The following DEUP1 variants were observed in gnomAD, a reference collection of about 807,000 sequenced individuals.
DEUP1 encodes coiled-coil domain containing 67.
DEUP1 carries 82 observed loss-of-function variants against 87.4 expected under a neutral mutation model. That is an observed-to-expected ratio of 0.94 (90% confidence interval 0.78 to 1.13). The LOEUF (loss-of-function observed/expected upper bound fraction) is 1.13, where lower values mean the gene tolerates loss of function less well. DEUP1 is among the 50% of genes most tolerant of loss of function. DEUP1 has a pLI of 0.00. For missense variants in DEUP1, 663 were observed against 681.5 expected, an observed-to-expected ratio of 0.97 and a Z score of 0.30; for synonymous variants, 214 against 222.7, an observed-to-expected ratio of 0.96 and a Z score of 0.35.
intron 2 of DEUP1, among the ~76,000 whole-genome samples, chr11:93,344,023 A>G (rs1240514616): frequency 6.6e-6 from 1 of 152,216 alleles, no homozygotes; most frequent in Admixed American, 6.5e-5. Context: ...TGGATGACAA[A>G]AAAGTGCTTG....
rs376502642 is a variant in DEUP1, at chr11:93,355,415, T to C, written c.74T>C (p.Ile25Thr). ...GAGCTTCAGGAATTAATGGAACAAA[T>C]TGACATCATGGTAAGCAACAAGAAA... ...EAELQELMEQ[I>T]DIMVSNKKMD... is the part of the protein sequence containing the mutation. The change falls in exon 3 of 14, where the codon ATT becomes ACT. Residue 25 changes from isoleucine to threonine, a missense_variant. Ile to Thr is a moderately conservative substitution (Grantham distance 89). Transcript: ENST00000298050. The C allele has an allele frequency of 1.9e-6, 3 of 1,613,710 alleles. No individual in the cohort carries two copies. Among genetic ancestry groups the C allele is most frequent in the African/African-American group, 1.3e-5 (1 of 75,024 alleles).
chr11:93,330,975 A>T (rs1164304608), intron 1 of DEUP1, among the ~76,000 whole-genome samples: 1 of 152,250 alleles, frequency 6.6e-6, no homozygotes, highest in Non-Finnish European at 1.5e-5. Flanking sequence ...TTGCAAATCC[A>T]GAGCAGAGCT....
chr11:93,379,867 C>T (rs1157987026), intron 7 of DEUP1, among the ~76,000 whole-genome samples: 1 of 151,982 alleles, frequency 6.6e-6, no homozygotes, highest in African/African-American at 2.4e-5. Context: ...TATTAATGTT[C>T]CTGAATATAA....
At chr11:93,346,641 C>T (rs556961186) in intron 2 of DEUP1, among the ~76,000 whole-genome samples, 38 of 152,222 alleles carry the variant, frequency 2.5e-4, no homozygotes, top group Non-Finnish European at 4.1e-4. Flanking sequence ...AGCAGTATGG[C>T]CATTTTAGTG....
At chr11:93,419,373 T>C (rs1046404990) in intron 13 of DEUP1, among the ~76,000 whole-genome samples, 1 of 152,168 alleles carries the variant, frequency 6.6e-6, no homozygotes. Context: ...CTTTGTATGA[T>C]AGCATCAAGG....
At chr11:93,350,943 G>A (rs1030924694) in intron 2 of DEUP1, among the ~76,000 whole-genome samples, 5 of 150,288 alleles carry the variant, frequency 3.3e-5, no homozygotes, top group East Asian at 1.9e-4. Flanking sequence ...GCAACAGAGC[G>A]AGACTCCATC....
At chr11:93,411,901 T>G (rs1947446047) in intron 12 of DEUP1, among the ~76,000 whole-genome samples, 1 of 152,118 alleles carries the variant, frequency 6.6e-6, no homozygotes, top group South Asian at 2.1e-4. Flanking sequence ...AGTCAGCAGG[T>G]TTGTAATAAC....
At chr11:93,362,292 A>G (rs758304267) in intron 4 of DEUP1, among the ~76,000 whole-genome samples, 1 of 152,032 alleles carries the variant, frequency 6.6e-6, no homozygotes, top group Non-Finnish European at 1.5e-5. Flanking sequence ...CAATGGGGAG[A>G]AAATATTTGT....
chr11:93,384,389 T>G (rs545064152), intron 7 of DEUP1, among the ~76,000 whole-genome samples: 1 of 152,220 alleles, frequency 6.6e-6, no homozygotes, highest in Non-Finnish European at 1.5e-5. Flanking sequence ...CCATCTTCCT[T>G]CCTTCCTGTT....
intron 7 of DEUP1, among the ~76,000 whole-genome samples, chr11:93,377,499 G>A (rs1394155217): frequency 6.6e-6 from 1 of 152,004 alleles, no homozygotes; most frequent in East Asian, 1.9e-4. Flanking sequence ...TTAAGTTTGT[G>A]TGAGTCCTTA....
chr11:93,403,747 T>G (rs969945779), intron 11 of DEUP1, among the ~76,000 whole-genome samples: 5 of 151,732 alleles, frequency 3.3e-5, no homozygotes, highest in African/African-American at 9.7e-5. Context: ...TGAAGAAAAT[T>G]TATTGAAATG....
rs1944407627 is a variant in DEUP1 at position 93,347,381 on chromosome 11, T to C, written c.30-7990T>C. Among the ~76,000 whole-genome samples, 9 of 152,304 alleles carry C rather than the reference T, an allele frequency of 5.9e-5. No individual in the cohort carries two copies. The South Asian group carries it at 1.9e-3, about 32-fold the overall frequency. On this transcript the variant is annotated intron_variant, in intron 2 of 13. Transcript: ENST00000298050. Reference sequence around the variant, plus strand: ...AGGGACAAAGCCTACTTGAGCGTGGTGGATAAGTTTTTGATGCGCTGCTGG... The same window carrying C: ...AGGGACAAAGCCTACTTGAGCGTGGCGGATAAGTTTTTGATGCGCTGCTGG...
chr11:93,395,689 G>A (rs1369154509), intron 10 of DEUP1, among the ~76,000 whole-genome samples: 2 of 152,098 alleles, frequency 1.3e-5, no homozygotes, highest in Non-Finnish European at 2.9e-5. Context: ...ATACAGAAAT[G>A]AGTCCTAGAG....
At chr11:93,347,017 ATTTGGATGCCC>A (rs2134183229) in intron 2 of DEUP1, among the ~76,000 whole-genome samples, 1 of 152,228 alleles carries the variant, frequency 6.6e-6, no homozygotes. Context: ...CTCTCTTCCT[ATTTGGATGCCC>A]TTTATTTCTT....
At chr11:93,350,871 G>A (rs1050860136) in intron 2 of DEUP1, among the ~76,000 whole-genome samples, 3 of 151,700 alleles carry the variant, frequency 2.0e-5, no homozygotes, top group South Asian at 2.1e-4. Context: ...CCGAAGAATC[G>A]TTTGAACCCA....
Position 93,366,183 on chromosome 11 carries a change from TAGG to T in DEUP1, c.432+1892_432+1894del, listed in dbSNP as rs564835061. On this transcript the variant is annotated intron_variant, in intron 5 of 13. Coordinates refer to ENST00000298050, the MANE Select transcript of DEUP1 (RefSeq NM_181645.4). Reference sequence around the variant, plus strand: ...ATACCAACAAAAAAGGGTGAAGAGATAGGAGAAGTAAAGATGGACTAAGTTGAT... The same window carrying T: ...ATACCAACAAAAAAGGGTGAAGAGATAGAAGTAAAGATGGACTAAGTTGAT... Among the ~76,000 whole-genome samples, 599 of 152,194 alleles carry T rather than the reference TAGG, an allele frequency of 3.9e-3. 7 individuals are homozygous for T. The highest frequency in any genetic ancestry group is 0.013 in the African/African-American group (556 of 41,514).
intron 13 of DEUP1, among the ~76,000 whole-genome samples, chr11:93,432,752 T>C (rs368531560): frequency 3.9e-5 from 6 of 152,114 alleles, no homozygotes; most frequent in African/African-American, 1.4e-4. Context: ...AGGAAGATGA[T>C]GGATAGTGAA....
intron 13 of DEUP1, among the ~76,000 whole-genome samples, chr11:93,428,984 C>T (rs1948023162): frequency 6.6e-6 from 1 of 152,104 alleles, no homozygotes; most frequent in African/African-American, 2.4e-5. Context: ...AATAATGAGA[C>T]TGAGCACCAT....
At chr11:93,415,216 A>C (rs1265308248) in intron 13 of DEUP1, 102 bp downstream of exon 13, 6 of 668,608 alleles carry the variant, frequency 9.0e-6, no homozygotes, top group Non-Finnish European at 1.5e-5. Flanking sequence ...GTTTGTTTTT[A>C]ATCTCACTCC....
Sources: allele counts gnomAD v4.1 joint callset (sites outside exome capture counted in the v4.1 genomes callset), GRCh38; gene constraint gnomAD v4.1.1; transcripts MANE v1.5; gene names NCBI Gene and HGNC (gene_info 2026-07-23, HGNC 2026-07-21).